The following SUPT7L variants were observed in gnomAD, a reference collection of about 807,000 sequenced individuals.
The protein encoded by SUPT7L is SPT7 like, STAGA complex subunit gamma.
SUPT7L carries 15 observed loss-of-function variants against 35.7 expected under a neutral mutation model. The ratio of observed to expected loss-of-function variants is 0.42; its 90% CI spans 0.28 to 0.65. The LOEUF (loss-of-function observed/expected upper bound fraction) is 0.65, where lower values mean the gene tolerates loss of function less well. SUPT7L is among the 30% of genes least tolerant of loss of function. The pLI is 0.23. For synonymous variants in SUPT7L, 168 were observed against 186.2 expected, an observed-to-expected ratio of 0.90 and a Z score of 0.79; for missense variants, 434 against 522.2, an observed-to-expected ratio of 0.83 and a Z score of 1.65.
rs776693329 is a variant in SUPT7L at position 27,661,060 on chromosome 2, G to C, written c.343C>G (p.Leu115Val). The change falls in exon 3 of 6, where the codon CTC becomes GTC. Residue 115 changes from leucine to valine, a missense_variant. Transcript: ENST00000337768. Reference sequence around the variant, plus strand: ...GGATTCTTACAATCTAAAGGCAGGAGGTCATCAGGGAGAGGAGGTGACCCA... The same window carrying C: ...GGATTCTTACAATCTAAAGGCAGGACGTCATCAGGGAGAGGAGGTGACCCA... ...CPGSPPLPDD[L>V]LPLDCKNPNA... The C allele has an allele frequency of 6.2e-7, 1 of 1,614,144 alleles. No individual in the cohort carries two copies. The highest frequency in any genetic ancestry group is 8.5e-7 in the Non-Finnish European group (1 of 1,180,030).
chr2:27,662,075 CTCTTT>C, intron 2 of SUPT7L, 99 bp downstream of exon 2: 2 of 1,519,420 alleles, frequency 1.3e-6, no homozygotes, highest in Admixed American at 3.4e-5. Context: ...GCTAGACTTA[CTCTTT>C]TTAAAACTTA....
In SUPT7L at chr2:27,662,249, TC is replaced by T. The variant is rs1675147806; in HGVS notation, c.-58del. The T allele has an allele frequency of 4.4e-6, 7 of 1,584,232 alleles. No individual in the cohort carries two copies. The highest frequency in any genetic ancestry group is 6.1e-6 in the Non-Finnish European group (7 of 1,152,828). On this transcript the variant is annotated 5_prime_UTR_variant, in exon 2 of 6. Coordinates refer to ENST00000337768, the MANE Select transcript of SUPT7L (RefSeq NM_014860.3). The stretch of plus-strand genomic sequence containing the variant: ...TTTATCAAATGCCAGGCATTCTGTG[TC>T]GGTCAAAGACTGATAATGTGAGATC...
the SUPT7L span, among the ~76,000 whole-genome samples, chr2:27,642,866 G>A: frequency 1.3e-5 from 2 of 151,180 alleles, 1 homozygote; most frequent in South Asian, 4.2e-4. Context: ...TGCCTGGCCG[G>A]TTACACTTAT....
In SUPT7L at chr2:27,657,376, C is replaced by A; in HGVS notation, c.713G>T (p.Arg238Leu). Residue 238 changes from arginine to leucine, a missense_variant, in exon 4 of 6, where the codon CGC becomes CTC. By Grantham distance (102) the Arg-to-Leu change is moderately radical. This residue lies in a region of SUPT7L where 198 missense variants were observed against 190.8 expected (regional missense o/e 1.04). Transcript: ENST00000337768. The surrounding 1 kb of genome is among the most constrained non-coding windows in gnomAD (Gnocchi z 5.2). ...VLSLQKFWQH[R>L]IKDYHSYMLQ... ...CATGTAACTGTGATAGTCCTTGATG[C>A]GGTGCTGCCAGAACTTCTGGAGGGA... 1 of 1,614,230 alleles carries A rather than the reference C, an allele frequency of 6.2e-7. No individual in the cohort carries two copies. The highest frequency in any genetic ancestry group is 8.5e-7 in the Non-Finnish European group (1 of 1,180,018).
intron 3 of SUPT7L, among the ~76,000 whole-genome samples, chr2:27,660,676 A>G (rs1166547739): frequency 6.6e-6 from 1 of 152,182 alleles, no homozygotes; most frequent in East Asian, 1.9e-4. Context: ...TTTTATATTA[A>G]ATAGAAAGAC....
chr2:27,648,272 T>C (rs1465831460), downstream of SUPT7L, among the ~76,000 whole-genome samples: 3 of 152,120 alleles, frequency 2.0e-5, no homozygotes, highest in African/African-American at 7.2e-5. Context: ...GTAATCCCAC[T>C]GCTTTGGGAG....
chr2:27,656,040 C>T (rs1375759914), intron 4 of SUPT7L, among the ~76,000 whole-genome samples: 1 of 150,322 alleles, frequency 6.7e-6, no homozygotes, highest in African/African-American at 2.4e-5. Context: ...AAAAAAAAAG[C>T]TGGGCATGGT....
At chr2:27,662,041 A>T in intron 2 of SUPT7L, 138 bp downstream of exon 2, 1 of 1,142,572 alleles carries the variant, frequency 8.8e-7, no homozygotes, top group Non-Finnish European at 1.3e-6. Flanking sequence ...CTCTCTTTGT[A>T]TGTCATCTAT....
Position 27,651,509 on chromosome 2 carries a change from GTA to G in SUPT7L, c.*1974_*1975del, listed in dbSNP as rs1341103573. The G allele has an allele frequency of 6.6e-6, 1 of 152,288 alleles. No homozygotes were observed. The highest frequency in any genetic ancestry group is 2.4e-5 in the African/African-American group (1 of 41,454). The allele number at this position is 152,288 out of a possible 1,614,324, so 9.4% of individuals were successfully genotyped here. A position where few individuals can be genotyped will look rare whatever the true frequency, so the allele number is the denominator to read the frequency against. On this transcript the variant is annotated 3_prime_UTR_variant, in exon 6 of 6. Transcript: ENST00000337768. ...AGCAATAAAAGTGTTTTATTATAAA[GTA>G]TTAATTTTAATGTTCTATACTTAGT...
downstream of SUPT7L, among the ~76,000 whole-genome samples, chr2:27,646,501 A>G (rs559722715): frequency 6.6e-6 from 1 of 151,846 alleles, no homozygotes; most frequent in East Asian, 1.9e-4. Flanking sequence ...TGAATTAAAA[A>G]TTTTTTTTTA....
chr2:27,661,680 A>C, intron 2 of SUPT7L: 6 of 1,252,384 alleles, frequency 4.8e-6, no homozygotes, highest in Non-Finnish European at 6.1e-6. Flanking sequence ...ACTGAACCAC[A>C]GGGTAGAATT....
chr2:27,657,413 C>T lies in SUPT7L; in HGVS notation c.676G>A (p.Gly226Ser). 1.2e-6 allele frequency: 2 copies of T among 1,614,256 alleles called. No homozygotes were observed. Among genetic ancestry groups the T allele is most frequent in the Non-Finnish European group, 1.7e-6 (2 of 1,180,046 alleles). ...AACTTCTGGAGGGAGAGCACACTGC[C>T]AATACCCACTTCATGGAATACCTGC... ...MEQVFHEVGI[G>S]SVLSLQKFWQ... Residue 226 changes from glycine to serine, a missense_variant, in exon 4 of 6, where the codon GGC (glycine) becomes AGC (serine). This residue lies in a region of SUPT7L where 198 missense variants were observed against 190.8 expected (regional missense o/e 1.04). Coordinates refer to ENST00000337768, the MANE Select transcript of SUPT7L (RefSeq NM_014860.3). The surrounding 1 kb of genome is among the most constrained non-coding windows in gnomAD (Gnocchi z 5.2).
At chr2:27,663,000 C>T (rs1675196274) in intron 1 of SUPT7L, among the ~76,000 whole-genome samples, 2 of 127,484 alleles carry the variant, frequency 1.6e-5, no homozygotes, top group South Asian at 4.8e-4. Context: ...GTTGCCCAGC[C>T]TCCTCTGGAA....
rs879833256 is a variant in SUPT7L at position 27,656,024 on chromosome 2, C to CA, written c.745-423dup. On this transcript the variant is annotated intron_variant, in intron 4 of 5. Transcript: ENST00000337768. Reference sequence around the variant, plus strand: ...GTATCTAGTGAGACCCCATCTCTACCAAAAAAAAAAAAAAGCTGGGCATGG... The same window carrying CA: ...GTATCTAGTGAGACCCCATCTCTACCAAAAAAAAAAAAAAAGCTGGGCATGG... Among the ~76,000 whole-genome samples the CA allele has an allele frequency of 4.5e-3, 557 of 123,468 alleles. 5 individuals are homozygous for CA. The highest frequency in any genetic ancestry group is 0.012 in the African/African-American group (410 of 33,322). The allele number at this position is 123,468 out of a possible 152,430, so 81.0% of individuals were successfully genotyped here. A position where few individuals can be genotyped will look rare whatever the true frequency, so the allele number is the denominator to read the frequency against.
In SUPT7L at chr2:27,652,705, C is replaced by G. The variant is rs977191040; in HGVS notation, c.*780G>C. 2.0e-5 allele frequency: 3 copies of G among 152,790 alleles called. No individual in the cohort carries two copies. The highest frequency in any genetic ancestry group is 2.0e-4 in the Admixed American group (3 of 15,284). The allele number at this position is 152,790 out of a possible 1,614,324, so 9.5% of individuals were successfully genotyped here. A position where few individuals can be genotyped will look rare whatever the true frequency, so the allele number is the denominator to read the frequency against. ...TGCAACAAATGAAATATGCACAAGG[C>G]TGTCCTTGGACAGTACTTGTTTGCT... On this transcript the variant is annotated 3_prime_UTR_variant, in exon 6 of 6. Coordinates refer to ENST00000337768, the MANE Select transcript of SUPT7L (RefSeq NM_014860.3).
chr2:27,662,559 C>A (rs749155090), intron 1 of SUPT7L, among the ~76,000 whole-genome samples: 1 of 152,174 alleles, frequency 6.6e-6, no homozygotes, highest in African/African-American at 2.4e-5. Flanking sequence ...CAGCATAAGT[C>A]CCCACCGTCC....
intron 4 of SUPT7L, among the ~76,000 whole-genome samples, chr2:27,656,415 A>G (rs564761077): frequency 6.6e-6 from 1 of 152,258 alleles, no homozygotes; most frequent in South Asian, 2.1e-4. Context: ...TTTTTTTCAT[A>G]GCACTTAACA....
downstream of SUPT7L, chr2:27,650,399 T>C (rs1357585871): frequency 2.5e-6 from 1 of 406,584 alleles, no homozygotes; most frequent in Non-Finnish European, 4.5e-6. Context: ...AGGTTAATGC[T>C]GATTATTCCT....
rs1360470770 is a variant in SUPT7L, at chr2:27,661,185, T to C, written c.218A>G (p.Asn73Ser). ...GGCAATAAGGTTGCGAAGACGTCGGTTGTGCTGAATCAACTGAATCGTATG... is the reference window on the plus strand; with the variant it reads ...GGCAATAAGGTTGCGAAGACGTCGGCTGTGCTGAATCAACTGAATCGTATG... ...TIHTIQLIQH[N>S]RRLRNLIATA... Residue 73 changes from asparagine (N) to serine (S), a missense_variant, in exon 3 of 6, where the codon AAC becomes AGC. By Grantham distance (46) the Asn-to-Ser change is conservative (BLOSUM62 1). Around this residue, in one of 3 missense-constraint regions of SUPT7L, gnomAD observed 77 missense variants for 114.4 expected, o/e 0.67. Coordinates refer to ENST00000337768, the MANE Select transcript of SUPT7L (RefSeq NM_014860.3). 1 of 1,614,030 alleles carries C rather than the reference T, an allele frequency of 6.2e-7. No homozygotes were observed. Among genetic ancestry groups the C allele is most frequent in the African/African-American group, 1.3e-5 (1 of 74,914 alleles).
Sources: gnomAD v4.1 joint callset for allele counts (sites outside exome capture counted in the v4.1 genomes callset) on GRCh38, gnomAD v4.1.1 for gene constraint, gnomAD v4.1.1 regional missense constraint, Gnocchi (gnomAD v3.1) non-coding constraint, MANE v1.5 for transcripts, NCBI Gene and HGNC (gene_info 2026-07-23, HGNC 2026-07-21) for gene names.